Variants in TMTC2 observed in about 807,000 individuals in gnomAD.
TMTC2 encodes the protein transmembrane O-mannosyltransferase targeting cadherins 2.
A neutral mutation model predicts 82.4 loss-of-function variants in TMTC2; 43 were observed. That is an observed-to-expected ratio of 0.52 (90% CI 0.41 to 0.67). The LOEUF (loss-of-function observed/expected upper bound fraction) is 0.67, where lower values mean the gene tolerates loss of function less well. Ranked by LOEUF, TMTC2 falls within the 30% of genes least tolerant of loss-of-function variation. The pLI is 0.00. For missense variants in TMTC2, 919 were observed against 1,012.4 expected, an observed-to-expected ratio of 0.91 and a Z score of 1.25; for synonymous variants, 408 against 381.9, an observed-to-expected ratio of 1.07 and a Z score of -0.80.
At chr12:83,027,129 A>G (rs1881217724) in intron 8 of TMTC2, among the ~76,000 whole-genome samples, 4 of 152,124 alleles carry the variant, frequency 2.6e-5, no homozygotes, top group Admixed American at 2.6e-4. Context: ...GTGTTCAGAC[A>G]TGTCAACCAG....
At chr12:83,054,243 A>T (rs1315006717) in intron 10 of TMTC2, among the ~76,000 whole-genome samples, 3 of 152,122 alleles carry the variant, frequency 2.0e-5, no homozygotes, top group African/African-American at 7.2e-5. Context: ...TTCCCAAAGT[A>T]TAACCTAACT....
At chr12:83,051,129 G>T (rs1012366290) in intron 10 of TMTC2, 111 bp downstream of exon 10, 2 of 682,172 alleles carry the variant, frequency 2.9e-6, no homozygotes, top group East Asian at 5.9e-5. Flanking sequence ...AGTCAATCAC[G>T]CTGCTTAACT....
At chr12:83,027,500 G>A (rs1251045643) in intron 8 of TMTC2, among the ~76,000 whole-genome samples, 1 of 150,984 alleles carries the variant, frequency 6.6e-6, no homozygotes, top group Non-Finnish European at 1.5e-5. Flanking sequence ...ATGTTGTGTT[G>A]TTATAATGCT....
intron 7 of TMTC2, among the ~76,000 whole-genome samples, chr12:82,982,405 T>C (rs1878957703): frequency 6.6e-6 from 1 of 150,872 alleles, no homozygotes; most frequent in African/African-American, 2.4e-5. Flanking sequence ...TTTATTGAGT[T>C]ACCTTTTTTT....
intron 1 of TMTC2, among the ~76,000 whole-genome samples, chr12:82,748,775 G>A (rs1875821660): frequency 6.6e-6 from 1 of 152,156 alleles, no homozygotes; most frequent in Admixed American, 6.5e-5. Context: ...TACTTGTGAG[G>A]CTGAGGCAGG....
At chr12:83,020,417 G>A (rs987785066) in intron 8 of TMTC2, among the ~76,000 whole-genome samples, 3 of 152,146 alleles carry the variant, frequency 2.0e-5, no homozygotes, top group Non-Finnish European at 4.4e-5. Context: ...TCTAAAGTCT[G>A]AAAACAGCAT....
chr12:82,746,521 C>G (rs1210397194), intron 1 of TMTC2, among the ~76,000 whole-genome samples: 1 of 152,166 alleles, frequency 6.6e-6, no homozygotes, highest in Non-Finnish European at 1.5e-5. Flanking sequence ...CCACATGAAC[C>G]TTCCTTTCTC....
intron 1 of TMTC2, among the ~76,000 whole-genome samples, chr12:82,712,987 A>T (rs1266504965): frequency 6.6e-6 from 1 of 152,034 alleles, no homozygotes; most frequent in East Asian, 1.9e-4. Flanking sequence ...AAAGAGGTTG[A>T]CTCTTTAGAA....
intron 8 of TMTC2, among the ~76,000 whole-genome samples, chr12:83,026,008 T>C (rs770276926): frequency 8.5e-5 from 13 of 152,178 alleles, no homozygotes; most frequent in African/African-American, 3.1e-4. Flanking sequence ...GGGATATTTA[T>C]GGAGGTTTCT....
intron 7 of TMTC2, among the ~76,000 whole-genome samples, chr12:82,979,328 T>C (rs1878819391): frequency 6.6e-6 from 1 of 151,774 alleles, no homozygotes; most frequent in African/African-American, 2.4e-5. Context: ...TTTTATTTTT[T>C]GTACATCTTT....
rs374231728 is a variant in TMTC2 at position 83,103,098 on chromosome 12, GAAC to G, written c.2332-29108_2332-29106del. ...AGCATTAGAGAAGGAAAAGAAAAAA[GAAC>G]AACTGCAAACTAGAGGTTGGGATCT... On this transcript the variant is annotated intron_variant, in intron 11 of 11. Coordinates refer to ENST00000321196, the MANE Select transcript of TMTC2 (RefSeq NM_152588.3). Among the ~76,000 whole-genome samples the G allele has an allele frequency of 4.1e-4, 63 of 152,292 alleles. 1 individual carries two copies. In the South Asian group the frequency reaches 0.013, roughly 32 times the overall value.
intron 8 of TMTC2, among the ~76,000 whole-genome samples, chr12:83,019,702 T>G (rs1880828655): frequency 6.6e-6 from 1 of 152,192 alleles, no homozygotes; most frequent in South Asian, 2.1e-4. Flanking sequence ...ATTATCTCTG[T>G]TCTATCCACA....
At chr12:83,059,267 T>G (rs1359442416) in intron 10 of TMTC2, among the ~76,000 whole-genome samples, 1 of 151,810 alleles carries the variant, frequency 6.6e-6, no homozygotes, top group Non-Finnish European at 1.5e-5. Context: ...CAGTTAAGAT[T>G]TATTAAGTGC....
chr12:82,836,038 T>A (rs1357346611), intron 1 of TMTC2, among the ~76,000 whole-genome samples: 1 of 152,238 alleles, frequency 6.6e-6, no homozygotes, highest in Non-Finnish European at 1.5e-5. Context: ...ATGTTTCATG[T>A]TTTCCTTTGA....
chr12:83,062,630 T>C (rs1451250626), intron 11 of TMTC2, among the ~76,000 whole-genome samples: 1 of 151,828 alleles, frequency 6.6e-6, no homozygotes, highest in African/African-American at 2.4e-5. Context: ...CTCATTTCTT[T>C]ATAGTAACTC....
At chr12:83,064,580 G>A (rs1301592346) in intron 11 of TMTC2, among the ~76,000 whole-genome samples, 1 of 151,822 alleles carries the variant, frequency 6.6e-6, no homozygotes, top group Non-Finnish European at 1.5e-5. Context: ...TGGTCTAGGT[G>A]AGTAAAACAC....
chr12:83,131,826 A>AT (rs1885263938), intron 11 of TMTC2, among the ~76,000 whole-genome samples: 1 of 152,104 alleles, frequency 6.6e-6, no homozygotes, highest in African/African-American at 2.4e-5. Context: ...TTACCCACTT[A>AT]TTTTTTATTT....
At chr12:83,029,807 G>A (rs890586153) in intron 8 of TMTC2, among the ~76,000 whole-genome samples, 2 of 152,158 alleles carry the variant, frequency 1.3e-5, no homozygotes, top group African/African-American at 2.4e-5. Flanking sequence ...TATACTTTTA[G>A]AATCTGTTTC....
intron 1 of TMTC2, among the ~76,000 whole-genome samples, chr12:82,715,050 TCA>T (rs1418195599): frequency 1.3e-5 from 2 of 151,740 alleles, no homozygotes; most frequent in African/African-American, 4.8e-5. Context: ...GGCGGGAGGA[TCA>T]CGAGGTCAGG....
Sources: gnomAD v4.1 joint callset for allele counts (sites outside exome capture counted in the v4.1 genomes callset) on GRCh38, gnomAD v4.1.1 for gene constraint, MANE v1.5 for transcripts, NCBI Gene and HGNC (gene_info 2026-07-23, HGNC 2026-07-21) for gene names.